Variants in LSAMP observed in about 807,000 individuals in gnomAD.
LSAMP encodes limbic system associated membrane protein.
In LSAMP, 7 loss-of-function variants were observed where a neutral mutation model predicts 38.6. The observed-to-expected ratio is 0.18, with a 90% CI of 0.10 to 0.34. The LOEUF (loss-of-function observed/expected upper bound fraction) is 0.34, where lower values mean the gene tolerates loss of function less well. Among genes scored for constraint, LSAMP ranks in the 10% least tolerant of loss-of-function variants. The pLI, the probability that LSAMP is intolerant of heterozygous loss-of-function variation, is 1.00. For synonymous variants in LSAMP, 154 were observed against 166.8 expected, an observed-to-expected ratio of 0.92 and a Z score of 0.59; for missense variants, 313 against 420.0, an observed-to-expected ratio of 0.75 and a Z score of 2.23.
At chr3:116,211,502 C>T (rs953682714) in intron 1 of LSAMP, among the ~76,000 whole-genome samples, 3 of 152,014 alleles carry the variant, frequency 2.0e-5, no homozygotes, top group Non-Finnish European at 4.4e-5. Flanking sequence ...AATAATAAAG[C>T]AATAACCAAG....
chr3:115,881,972 G>A, intron 3 of LSAMP, among the ~76,000 whole-genome samples: 1 of 152,024 alleles, frequency 6.6e-6, no homozygotes, highest in Non-Finnish European at 1.5e-5. Context: ...AGAAATTCCT[G>A]GCTGGTTACA....
intron 1 of LSAMP, among the ~76,000 whole-genome samples, chr3:116,280,827 A>G (rs1439326891): frequency 6.6e-6 from 1 of 152,228 alleles, no homozygotes; most frequent in Non-Finnish European, 1.5e-5. Context: ...GTGGATTGCA[A>G]GTAACATGCT....
rs536816070 is a variant in LSAMP, at chr3:115,886,965, A to AT, written c.515-34349dup. Among the ~76,000 whole-genome samples, 726 of 152,064 alleles carry AT rather than the reference A, an allele frequency of 4.8e-3. 8 individuals are homozygous for AT. Among genetic ancestry groups the AT allele is most frequent in the African/African-American group, 0.017 (704 of 41,536 alleles). On this transcript the variant is annotated intron_variant, in intron 3 of 6. Coordinates refer to ENST00000490035, the MANE Select transcript of LSAMP (RefSeq NM_002338.5). ...TGGATAAACATGCTCAACTTTAATT[A>AT]TTTTTTAAAAACTATTCTCCCATGA...
intron 3 of LSAMP, among the ~76,000 whole-genome samples, chr3:115,912,406 C>G (rs897435444): frequency 1.2e-4 from 18 of 152,190 alleles, no homozygotes; most frequent in African/African-American, 4.1e-4. Flanking sequence ...ACCAACCCCA[C>G]TGGGAGGAGG....
chr3:116,368,818 G>C (rs929266563), intron 1 of LSAMP, among the ~76,000 whole-genome samples: 1 of 152,082 alleles, frequency 6.6e-6, no homozygotes, highest in African/African-American at 2.4e-5. Flanking sequence ...ATTCATCTAG[G>C]GTTGTTTCTA....
intron 1 of LSAMP, among the ~76,000 whole-genome samples, chr3:116,198,896 A>G (rs1263160679): frequency 2.0e-5 from 3 of 152,062 alleles, no homozygotes. Flanking sequence ...TGGGCAACAC[A>G]GGAAGACCCC....
At chr3:116,097,291 C>G (rs924172790) in intron 1 of LSAMP, among the ~76,000 whole-genome samples, 1 of 152,116 alleles carries the variant, frequency 6.6e-6, no homozygotes, top group African/African-American at 2.4e-5. Context: ...AAGAAATGCT[C>G]GCAATAAACC....
At chr3:116,015,718 G>A (rs1032337388) in intron 3 of LSAMP, among the ~76,000 whole-genome samples, 44 of 151,936 alleles carry the variant, frequency 2.9e-4, no homozygotes, top group African/African-American at 9.9e-4. Context: ...ACTTGAAAAG[G>A]AAATTTCAGA....
At chr3:115,895,561 C>A (rs1936708072) in intron 3 of LSAMP, among the ~76,000 whole-genome samples, 1 of 152,050 alleles carries the variant, frequency 6.6e-6, no homozygotes, top group South Asian at 2.1e-4. Context: ...GTATAAGACC[C>A]CTTTGCTGGA....
At chr3:115,998,988 G>T (rs1390729373) in intron 3 of LSAMP, among the ~76,000 whole-genome samples, 1 of 152,168 alleles carries the variant, frequency 6.6e-6, no homozygotes, top group East Asian at 1.9e-4. Flanking sequence ...AAAGACCCAT[G>T]GTATCAATTT....
At position 116,277,081 on chromosome 3, in the gene LSAMP, G is replaced by T. The variant is rs115457494; in HGVS notation, c.155+167796C>A. 6.1e-3 allele frequency among the ~76,000 whole-genome samples: 924 copies of T among 152,280 alleles called. 5 individuals carry two copies. Among genetic ancestry groups the T allele is most frequent in the Non-Finnish European group, 7.9e-3 (540 of 68,028 alleles). ...AGGACACTCAGTCCATGCATCAATG[G>T]ATACCTGAGGGATCATCAAACACCA... On this transcript the variant is annotated intron_variant, in intron 1 of 6. Transcript: ENST00000490035.
chr3:116,396,204 G>C (rs1389868668), intron 1 of LSAMP, among the ~76,000 whole-genome samples: 1 of 152,144 alleles, frequency 6.6e-6, no homozygotes, highest in African/African-American at 2.4e-5. Context: ...AAATCTCTAA[G>C]AGAGTGATTT....
intron 1 of LSAMP, among the ~76,000 whole-genome samples, chr3:116,415,363 A>C (rs2049036020): frequency 1.3e-5 from 2 of 152,126 alleles, no homozygotes; most frequent in South Asian, 4.1e-4. Flanking sequence ...CAGGCTTCAC[A>C]ACATTGCTGA....
intron 1 of LSAMP, among the ~76,000 whole-genome samples, chr3:116,209,629 A>T (rs2046126105): frequency 6.6e-6 from 1 of 152,178 alleles, no homozygotes; most frequent in South Asian, 2.1e-4. Context: ...ATGTCGGAGA[A>T]GTAAGACAAG....
At chr3:116,168,689 A>G (rs1710121233) in intron 1 of LSAMP, among the ~76,000 whole-genome samples, 1 of 152,158 alleles carries the variant, frequency 6.6e-6, no homozygotes, top group African/African-American at 2.4e-5. Context: ...GGCAGCCTCA[A>G]TGACCCGAAC....
chr3:115,933,159 A>C (rs190487165), intron 3 of LSAMP, among the ~76,000 whole-genome samples: 1 of 152,314 alleles, frequency 6.6e-6, no homozygotes, highest in Admixed American at 6.5e-5. Flanking sequence ...CAGGAATGTC[A>C]AGCTTTTAAA....
At chr3:115,819,502 C>T (rs113002293) in intron 6 of LSAMP, among the ~76,000 whole-genome samples, 3 of 151,822 alleles carry the variant, frequency 2.0e-5, no homozygotes, top group Non-Finnish European at 2.9e-5. Context: ...AATGTGCCTG[C>T]GTTAACCTGT....
intron 4 of LSAMP, among the ~76,000 whole-genome samples, chr3:115,850,412 A>C (rs983744662): frequency 2.0e-5 from 3 of 152,332 alleles, no homozygotes; most frequent in Non-Finnish European, 4.4e-5. Context: ...CCTTAACTCC[A>C]AAAGTCAGGG....
intron 1 of LSAMP, among the ~76,000 whole-genome samples, chr3:116,122,689 TTAAAAA>T (rs1301961274): frequency 7.2e-5 from 11 of 152,330 alleles, no homozygotes; most frequent in Admixed American, 2.6e-4. Flanking sequence ...TTAATGAGTG[TTAAAAA>T]TAAATATCTC....
Sources: allele counts gnomAD v4.1 joint callset (sites outside exome capture counted in the v4.1 genomes callset), GRCh38; gene constraint gnomAD v4.1.1; transcripts MANE v1.5; gene names NCBI Gene and HGNC (gene_info 2026-07-23, HGNC 2026-07-21).